SPOCK1: variants seen among roughly 807,000 people sequenced by gnomAD.
The protein encoded by SPOCK1 is testican-1.
Under a neutral mutation model 55.3 loss-of-function variants are expected in SPOCK1, and 23 were observed. The observed-to-expected ratio is 0.42, with a 90% CI of 0.30 to 0.59. The LOEUF is 0.59. Ranked by LOEUF, SPOCK1 falls within the 20% of genes least tolerant of loss-of-function variation. The pLI, the probability that SPOCK1 is intolerant of heterozygous loss-of-function variation, is 0.22. For synonymous variants in SPOCK1, 226 were observed against 221.0 expected (o/e 1.02, Z -0.20); for missense variants, 499 against 552.5 (o/e 0.90, Z 0.97).
At chr5:137,223,968 A>G (rs755133273) in intron 3 of SPOCK1, among the ~76,000 whole-genome samples, 3 of 152,184 alleles carry the variant, frequency 2.0e-5, no homozygotes, top group Non-Finnish European at 4.4e-5. Context: ...GTTAAGAGTC[A>G]TTTCTTGAAG....
chr5:137,088,745 C>T (rs2881849), intron 5 of SPOCK1, among the ~76,000 whole-genome samples: 60,296 of 151,862 alleles, frequency 0.4, 12,850 homozygotes, highest in Non-Finnish European at 0.48. Flanking sequence ...GATACCACAT[C>T]GGTCACAATC....
At chr5:137,080,745 C>A (rs975020939) in intron 5 of SPOCK1, among the ~76,000 whole-genome samples, 5 of 152,130 alleles carry the variant, frequency 3.3e-5, no homozygotes, top group Admixed American at 3.3e-4. Context: ...ACAACTATCA[C>A]CAAAGAAAGA....
At chr5:137,074,999 G>A (rs1044849188) in intron 5 of SPOCK1, among the ~76,000 whole-genome samples, 18 of 151,730 alleles carry the variant, frequency 1.2e-4, no homozygotes, top group South Asian at 2.1e-4. Flanking sequence ...CACCGCGCCC[G>A]ACCTAATTTT....
chr5:137,129,510 TG>T (rs1270792761), intron 4 of SPOCK1, among the ~76,000 whole-genome samples: 1 of 152,056 alleles, frequency 6.6e-6, no homozygotes, highest in African/African-American at 2.4e-5. Flanking sequence ...GATAATTGGG[TG>T]GTCAGGGGCC....
At chr5:137,115,101 C>T (rs948965349) in intron 4 of SPOCK1, among the ~76,000 whole-genome samples, 4 of 152,128 alleles carry the variant, frequency 2.6e-5, no homozygotes, top group African/African-American at 9.7e-5. Context: ...TAAAGGGAAG[C>T]AACGAGGTGA....
At chr5:137,126,827 C>T (rs540170059) in intron 4 of SPOCK1, among the ~76,000 whole-genome samples, 10 of 152,248 alleles carry the variant, frequency 6.6e-5, no homozygotes, top group African/African-American at 2.2e-4. Context: ...GAATTGTGTT[C>T]ATGTCCTAGT....
At chr5:137,182,446 G>T (rs1007403855) in intron 3 of SPOCK1, among the ~76,000 whole-genome samples, 3 of 152,150 alleles carry the variant, frequency 2.0e-5, no homozygotes, top group African/African-American at 7.2e-5. Flanking sequence ...ACAAATATTT[G>T]CCAGTGTTTC....
chr5:137,452,885 G>C lies in SPOCK1; in HGVS notation c.186+45488C>G, dbSNP rs190510330. ...AATATCGCTTTTGGTCCTGGTGCTA[G>C]TATCAAAGCGGCAGAGCTACCTGGG... is the stretch of plus-strand genomic sequence containing the variant. On this transcript the variant is annotated intron_variant, in intron 2 of 10. Transcript: ENST00000394945. Among the ~76,000 whole-genome samples the C allele has an allele frequency of 2.4e-4, 37 of 152,274 alleles. 1 individual carries two copies. The East Asian group carries it at 4.8e-3, about 20-fold the overall frequency.
At chr5:137,145,669 T>C (rs1441446441) in intron 3 of SPOCK1, among the ~76,000 whole-genome samples, 2 of 152,220 alleles carry the variant, frequency 1.3e-5, no homozygotes, top group Non-Finnish European at 2.9e-5. Context: ...CAAAAAGATG[T>C]TCTTCCAGCT....
chr5:137,454,970 G>A (rs1528960), intron 2 of SPOCK1, among the ~76,000 whole-genome samples: 63,795 of 151,940 alleles, frequency 0.42, 14,163 homozygotes, highest in East Asian at 0.64. Context: ...AATAATACAT[G>A]AGAAAATGGT....
chr5:137,388,350 G>A (rs1046266108), intron 2 of SPOCK1, among the ~76,000 whole-genome samples: 3 of 144,522 alleles, frequency 2.1e-5, no homozygotes, highest in Admixed American at 2.1e-4. Context: ...CAAAAATTGT[G>A]CCAAGTTCTT....
At chr5:137,226,572 C>T (rs1424467869) in intron 3 of SPOCK1, among the ~76,000 whole-genome samples, 2 of 152,140 alleles carry the variant, frequency 1.3e-5, no homozygotes, top group African/African-American at 4.8e-5. Context: ...AGATCCAAAC[C>T]CCTCAATATG....
chr5:137,102,147 C>T (rs1753281679), intron 5 of SPOCK1, among the ~76,000 whole-genome samples: 1 of 151,978 alleles, frequency 6.6e-6, no homozygotes, highest in African/African-American at 2.4e-5. Context: ...CCCACTTCTT[C>T]TGCTGAAAAA....
At chr5:137,013,553 A>G (rs1751394020) in intron 6 of SPOCK1, among the ~76,000 whole-genome samples, 1 of 152,182 alleles carries the variant, frequency 6.6e-6, no homozygotes, top group Non-Finnish European at 1.5e-5. Context: ...TCTGGGAATC[A>G]TTTGCCTAGA....
At chr5:137,446,583 G>A (rs185283131) in intron 2 of SPOCK1, among the ~76,000 whole-genome samples, 41 of 152,232 alleles carry the variant, frequency 2.7e-4, no homozygotes, top group Non-Finnish European at 4.0e-4. Context: ...GAAGGTGCCC[G>A]CACCATGGAA....
chr5:137,202,401 C>G (rs768838419), intron 3 of SPOCK1, among the ~76,000 whole-genome samples: 1 of 152,148 alleles, frequency 6.6e-6, no homozygotes, highest in Non-Finnish European at 1.5e-5. Context: ...AGGTTTCATG[C>G]AACATGACAA....
chr5:137,129,671 G>A (rs1464462011), intron 4 of SPOCK1, among the ~76,000 whole-genome samples: 1 of 152,170 alleles, frequency 6.6e-6, no homozygotes, highest in Admixed American at 6.5e-5. Context: ...GGGGCTTGAT[G>A]TGCAGGTCTG....
chr5:137,120,091 C>G (rs1753657443), intron 4 of SPOCK1, among the ~76,000 whole-genome samples: 1 of 152,156 alleles, frequency 6.6e-6, no homozygotes, highest in Non-Finnish European at 1.5e-5. Flanking sequence ...TCCATTGATT[C>G]AAGCTGGGAG....
chr5:137,118,448 A>G (rs1323314012), intron 4 of SPOCK1, among the ~76,000 whole-genome samples: 3 of 152,010 alleles, frequency 2.0e-5, no homozygotes, highest in Admixed American at 2.0e-4. Context: ...TTTAGACAGG[A>G]CCCCACTAAG....
Sources: gnomAD v4.1 joint callset for allele counts (sites outside exome capture counted in the v4.1 genomes callset) on GRCh38, gnomAD v4.1.1 for gene constraint, MANE v1.5 for transcripts, NCBI Gene and HGNC (gene_info 2026-07-23, HGNC 2026-07-21) for gene names.